C3orf33: variants seen among roughly 807,000 people sequenced by gnomAD.
C3orf33 encodes mitochondrial inner membrane subdomain organizer 1.
C3orf33 carries 23 observed loss-of-function variants against 28.7 expected under a neutral mutation model. The observed-to-expected ratio is 0.80, with a 90% CI of 0.58 to 1.13. The LOEUF is 1.13. Ranked by LOEUF, C3orf33 falls within the 50% of genes most tolerant of loss-of-function variation. The pLI, the probability that C3orf33 is intolerant of heterozygous loss-of-function variation, is 0.00. For missense variants in C3orf33, 327 were observed against 353.4 expected, an observed-to-expected ratio of 0.93 and a Z score of 0.60; for synonymous variants, 119 against 120.5, an observed-to-expected ratio of 0.99 and a Z score of 0.08.
chr3:155,781,414 A>G (rs896883567), intron 2 of C3orf33, among the ~76,000 whole-genome samples: 5 of 152,082 alleles, frequency 3.3e-5, no homozygotes, highest in Admixed American at 2.6e-4. Flanking sequence ...TAATGTTTCA[A>G]TGTTCTCTTC....
intron 2 of C3orf33, among the ~76,000 whole-genome samples, chr3:155,791,909 C>T (rs1217779379): frequency 1.3e-5 from 2 of 152,022 alleles, no homozygotes; most frequent in African/African-American, 4.8e-5. Context: ...GAAGTCACCA[C>T]CCAGAAGAGA....
At chr3:155,797,480 TA>T (rs955765965) in intron 2 of C3orf33, among the ~76,000 whole-genome samples, 1 of 151,922 alleles carries the variant, frequency 6.6e-6, no homozygotes, top group Non-Finnish European at 1.5e-5. Context: ...AAGAAAGAAA[TA>T]AAGAGCATCT....
chr3:155,781,724 G>A (rs543022499), intron 2 of C3orf33, among the ~76,000 whole-genome samples: 6 of 132,164 alleles, frequency 4.5e-5, no homozygotes, highest in African/African-American at 1.8e-4. Context: ...AGCCAAAATC[G>A]CACCACTGCA....
intron 2 of C3orf33, among the ~76,000 whole-genome samples, chr3:155,779,029 T>C (rs1272026274): frequency 6.6e-6 from 1 of 152,150 alleles, no homozygotes; most frequent in Admixed American, 6.5e-5. Context: ...TAATGAAGGA[T>C]GGGAGAGAAC....
intron 2 of C3orf33, among the ~76,000 whole-genome samples, chr3:155,798,228 C>T (rs1751536810): frequency 6.6e-6 from 1 of 152,088 alleles, no homozygotes; most frequent in South Asian, 2.1e-4. Context: ...AATGCAATCC[C>T]TATCAAAATA....
At position 155,806,154 on chromosome 3, in the gene C3orf33, G is replaced by GT; in HGVS notation, c.98dup (p.His33GlnfsTer46). Reference sequence around the variant, plus strand: ...GCCCCAGTACCCGGACTAGGCGCAGGTGGTCGTCTGCCCACTGCGAGATCC... The same window carrying GT: ...GCCCCAGTACCCGGACTAGGCGCAGGTTGGTCGTCTGCCCACTGCGAGATCC... On this transcript the variant is annotated frameshift_variant, in exon 1 of 5. Transcript: ENST00000340171. LOFTEE classifies it high-confidence loss of function. The GT allele has an allele frequency of 6.8e-7, 1 of 1,471,194 alleles. No individual in the cohort carries two copies. Among genetic ancestry groups the GT allele is most frequent in the Non-Finnish European group, 9.1e-7 (1 of 1,104,810 alleles). The allele number at this position is 1,471,194 out of a possible 1,614,324, so 91.1% of individuals were successfully genotyped here.
chr3:155,799,045 G>A (rs996304278), intron 2 of C3orf33, among the ~76,000 whole-genome samples: 2 of 152,192 alleles, frequency 1.3e-5, no homozygotes, highest in Admixed American at 6.5e-5. Context: ...CTGATCATCA[G>A]AGAAATGCAA....
Position 155,802,578 on chromosome 3 carries a change from C to G in C3orf33, c.128G>C (p.Gly43Ala). 1 of 1,597,564 alleles carries G rather than the reference C, an allele frequency of 6.3e-7. No homozygotes were observed. Among genetic ancestry groups the G allele is most frequent in the East Asian group, 2.3e-5 (1 of 44,398 alleles). The change falls in exon 2 of 5, where the codon GGA becomes GCA. Residue 43 changes from glycine to alanine, a missense_variant. Gly to Ala is a moderately conservative substitution (Grantham distance 60). Transcript: ENST00000340171. ...TAACATTATTCCAGCTATGGCCATT[C>G]CAGTGCTGATGTTCTACAGAAAGAG... ...HLRLVRNIST[G>A]MAIAGIMLLL...
intron 3 of C3orf33, among the ~76,000 whole-genome samples, chr3:155,772,027 G>A (rs978154109): frequency 6.6e-6 from 1 of 151,930 alleles, no homozygotes; most frequent in Non-Finnish European, 1.5e-5. Context: ...AACACAGCAA[G>A]ACCCCCTTTC....
intron 2 of C3orf33, among the ~76,000 whole-genome samples, chr3:155,783,313 C>G (rs1016511639): frequency 3.3e-5 from 5 of 152,016 alleles, no homozygotes; most frequent in Non-Finnish European, 7.4e-5. Flanking sequence ...TGCCACCACA[C>G]TCAGCTACTT....
intron 2 of C3orf33, among the ~76,000 whole-genome samples, chr3:155,793,911 TCAGAGA>T (rs1403065031): frequency 1.3e-5 from 2 of 151,228 alleles, no homozygotes; most frequent in African/African-American, 4.9e-5. Flanking sequence ...AGTTTAAAAG[TCAGAGA>T]CAAAGTATAG....
At chr3:155,798,149 G>C (rs891729450) in intron 2 of C3orf33, among the ~76,000 whole-genome samples, 8 of 151,496 alleles carry the variant, frequency 5.3e-5, no homozygotes, top group African/African-American at 1.7e-4. Flanking sequence ...AATTTTCCAT[G>C]TTCATGGGTG....
intron 4 of C3orf33, among the ~76,000 whole-genome samples, chr3:155,766,112 T>G (rs1750394759): frequency 6.6e-6 from 1 of 152,220 alleles, no homozygotes; most frequent in Non-Finnish European, 1.5e-5. Flanking sequence ...CATTGCAGTC[T>G]CGACTGCGTA....
chr3:155,795,134 A>C (rs1442042890), intron 2 of C3orf33, among the ~76,000 whole-genome samples: 1 of 152,204 alleles, frequency 6.6e-6, no homozygotes, highest in Non-Finnish European at 1.5e-5. Flanking sequence ...TCAAGGATAG[A>C]CTATATGTTA....
chr3:155,795,187 G>A (rs1201661161), intron 2 of C3orf33, among the ~76,000 whole-genome samples: 1 of 152,222 alleles, frequency 6.6e-6, no homozygotes, highest in Non-Finnish European at 1.5e-5. Flanking sequence ...CGTGTGCGGT[G>A]GCTCACACCT....
At chr3:155,767,695 T>C in intron 3 of C3orf33, 26 bp from the exon 4 acceptor site, 1 of 1,461,022 alleles carries the variant, frequency 6.8e-7, no homozygotes, top group Admixed American at 2.3e-5. Flanking sequence ...AGAAAAGAGT[T>C]TAGCTTTAAC....
intron 2 of C3orf33, among the ~76,000 whole-genome samples, chr3:155,793,283 A>G (rs1307341435): frequency 6.6e-6 from 1 of 151,742 alleles, no homozygotes; most frequent in Non-Finnish European, 1.5e-5. Context: ...CACGAAGGAG[A>G]AATACTCTCC....
At chr3:155,793,085 A>G (rs1210511514) in intron 2 of C3orf33, among the ~76,000 whole-genome samples, 6 of 152,198 alleles carry the variant, frequency 3.9e-5, no homozygotes, top group Non-Finnish European at 8.8e-5. Context: ...CAGCAAGAGA[A>G]AAGAAACAAA....
At chr3:155,781,770 A>C (rs1750932154) in intron 2 of C3orf33, among the ~76,000 whole-genome samples, 1 of 93,940 alleles carries the variant, frequency 1.1e-5, no homozygotes, top group Non-Finnish European at 2.3e-5. Context: ...CTCTATCTCA[A>C]AAAAAAAAAA....
Sources: allele counts gnomAD v4.1 joint callset (sites outside exome capture counted in the v4.1 genomes callset), GRCh38; gene constraint gnomAD v4.1.1; transcripts MANE v1.5; gene names NCBI Gene and HGNC (gene_info 2026-07-23, HGNC 2026-07-21).